The following PKHD1 variants were observed in gnomAD, a reference collection of about 807,000 sequenced individuals.
The protein encoded by PKHD1 is PKHD1 ciliary IPT domain containing fibrocystin/polyductin, also known as fibrocystin.
In PKHD1, 291 loss-of-function variants were observed where a neutral mutation model predicts 412.0. The observed-to-expected ratio is 0.71, with a 90% CI of 0.64 to 0.78. PKHD1 has a LOEUF of 0.78. Ranked by LOEUF, PKHD1 falls within the 30% of genes least tolerant of loss-of-function variation. PKHD1 has a pLI of 0.00. For missense variants in PKHD1, 4,825 were observed against 4,950.7 expected, an observed-to-expected ratio of 0.97 and a Z score of 0.76; for synonymous variants, 1,777 against 1,821.5, an observed-to-expected ratio of 0.98 and a Z score of 0.62.
At chr6:51,868,866 G>T (rs888801090) in intron 47 of PKHD1, among the ~76,000 whole-genome samples, 1 of 151,998 alleles carries the variant, frequency 6.6e-6, no homozygotes, top group Admixed American at 6.6e-5. Flanking sequence ...GTGACTCATT[G>T]GTACTATCAG....
At chr6:51,742,796 C>T (rs897558673) in intron 60 of PKHD1, among the ~76,000 whole-genome samples, 14 of 152,002 alleles carry the variant, frequency 9.2e-5, no homozygotes, top group Non-Finnish European at 1.3e-4. Context: ...TTAAGTACCA[C>T]GACTCTAACA....
At chr6:51,667,599 T>C (rs1290649769) in intron 60 of PKHD1, among the ~76,000 whole-genome samples, 4 of 152,178 alleles carry the variant, frequency 2.6e-5, no homozygotes, top group African/African-American at 7.2e-5. Context: ...CTTTTGGTGT[T>C]TTAGACATGA....
At position 52,058,313 on chromosome 6, in the gene PKHD1, A is replaced by C; in HGVS notation, c.1512+10T>G. ...AGTTCAGCTCCATGGGACTGGAAAG[A>C]GACACAGACCTGTACTTCTGGAAGC... On this transcript the variant is annotated intron_variant, in intron 16 of 66. Coordinates refer to ENST00000371117, the MANE Select transcript of PKHD1 (RefSeq NM_138694.4). The C allele has an allele frequency of 6.2e-7, 1 of 1,613,846 alleles. No individual in the cohort carries two copies. The highest frequency in any genetic ancestry group is 8.5e-7 in the Non-Finnish European group (1 of 1,179,886).
intron 35 of PKHD1, among the ~76,000 whole-genome samples, chr6:51,978,936 G>A (rs1794793963): frequency 6.9e-6 from 1 of 145,148 alleles, no homozygotes; most frequent in Non-Finnish European, 1.5e-5. Flanking sequence ...TATGTTAACT[G>A]GAGCACTCAG....
intron 52 of PKHD1, among the ~76,000 whole-genome samples, chr6:51,828,799 G>A (rs1199938971): frequency 6.6e-6 from 1 of 151,960 alleles, no homozygotes; most frequent in African/African-American, 2.4e-5. Context: ...ATTCAATCCA[G>A]AGACCCATCA....
At chr6:51,847,550 G>A (rs1278163351) in intron 50 of PKHD1, among the ~76,000 whole-genome samples, 1 of 152,146 alleles carries the variant, frequency 6.6e-6, no homozygotes, top group Non-Finnish European at 1.5e-5. Flanking sequence ...TCTCTATAGA[G>A]GAGGAGGCTG....
At chr6:51,636,307 C>G (rs1228606450) in intron 64 of PKHD1, among the ~76,000 whole-genome samples, 1 of 152,004 alleles carries the variant, frequency 6.6e-6, no homozygotes, top group Admixed American at 6.6e-5. Context: ...GGACTAATGC[C>G]TATAATGCCA....
intron 29 of PKHD1, among the ~76,000 whole-genome samples, chr6:52,029,201 C>A (rs1028810552): frequency 6.6e-6 from 1 of 151,050 alleles, no homozygotes; most frequent in Non-Finnish European, 1.5e-5. Context: ...CAGCCACAGC[C>A]TCATAGCTAT....
intron 37 of PKHD1, among the ~76,000 whole-genome samples, chr6:51,923,479 C>A (rs1472728430): frequency 6.7e-6 from 1 of 150,182 alleles, no homozygotes; most frequent in African/African-American, 2.5e-5. Context: ...TCATAGTTTG[C>A]TGACCCTAGT....
chr6:51,725,355 AAC>A (rs1215508005), intron 60 of PKHD1, among the ~76,000 whole-genome samples: 1 of 152,204 alleles, frequency 6.6e-6, no homozygotes, highest in Non-Finnish European at 1.5e-5. Context: ...GTCCAAGGCA[AAC>A]AGAGAGTCAT....
At chr6:51,808,538 GTGTGTGTTTATGTA>G (rs1764197288) in intron 52 of PKHD1, among the ~76,000 whole-genome samples, 4 of 152,020 alleles carry the variant, frequency 2.6e-5, no homozygotes, top group African/African-American at 9.7e-5. Flanking sequence ...ATTTGCATGT[GTGTGTGTTTATGTA>G]TGTGTGTCTT....
At chr6:51,872,921 G>T (rs1486178100) in intron 46 of PKHD1, among the ~76,000 whole-genome samples, 7 of 88,590 alleles carry the variant, frequency 7.9e-5, no homozygotes, top group African/African-American at 2.7e-4. Flanking sequence ...CTTAGGGTAT[G>T]TTCAAACAAA....
rs1187102577 is a variant in PKHD1, at chr6:51,982,598, A to T, written c.5752-22572T>A. 1.7e-4 allele frequency among the ~76,000 whole-genome samples: 25 copies of T among 147,638 alleles called. No individual in the cohort carries two copies. In the East Asian group the frequency reaches 5.0e-3, roughly 29 times the overall value. On this transcript the variant is annotated intron_variant, in intron 35 of 66. Transcript: ENST00000371117. Reference sequence around the variant, plus strand: ...GTGCAAGATGTGCTTTGTTAAACAGATGCTTGAAGGCAGCATGCTCGTCAA... The same window carrying T: ...GTGCAAGATGTGCTTTGTTAAACAGTTGCTTGAAGGCAGCATGCTCGTCAA...
At chr6:51,656,527 C>T (rs573440287) in intron 61 of PKHD1, among the ~76,000 whole-genome samples, 1 of 152,212 alleles carries the variant, frequency 6.6e-6, no homozygotes, top group East Asian at 1.9e-4. Context: ...CTTAGCTAAG[C>T]AGAGGATGCT....
chr6:51,937,926 A>G (rs182532559), intron 36 of PKHD1, among the ~76,000 whole-genome samples: 91 of 152,324 alleles, frequency 6.0e-4, no homozygotes, highest in Non-Finnish European at 1.1e-3. Flanking sequence ...CAGTGAGAAA[A>G]ATCTAACATG....
At chr6:51,699,122 T>C (rs1442709281) in intron 60 of PKHD1, among the ~76,000 whole-genome samples, 2 of 152,236 alleles carry the variant, frequency 1.3e-5, no homozygotes, top group Admixed American at 6.5e-5. Flanking sequence ...TTTTCTTTTG[T>C]TGTAAAGTTC....
chr6:52,009,023 G>A (rs1463836019), intron 35 of PKHD1, among the ~76,000 whole-genome samples: 3 of 152,168 alleles, frequency 2.0e-5, no homozygotes, highest in Admixed American at 6.5e-5. Context: ...CAGTCTCAGC[G>A]CACTACAATA....
chr6:52,008,936 CCAA>C (rs1342720744), intron 35 of PKHD1, among the ~76,000 whole-genome samples: 26 of 152,242 alleles, frequency 1.7e-4, no homozygotes, highest in African/African-American at 4.1e-4. Context: ...TCTAAGCATC[CCAA>C]CAACACCAGG....
intron 60 of PKHD1, among the ~76,000 whole-genome samples, chr6:51,735,819 A>C (rs1783772097): frequency 1.3e-5 from 2 of 152,116 alleles, no homozygotes; most frequent in Admixed American, 6.5e-5. Context: ...CTGTAGTCAC[A>C]GCTACTTGGA....
Sources: gnomAD v4.1 joint callset for allele counts (sites outside exome capture counted in the v4.1 genomes callset) on GRCh38, gnomAD v4.1.1 for gene constraint, MANE v1.5 for transcripts, NCBI Gene and HGNC (gene_info 2026-07-23, HGNC 2026-07-21) for gene names.